POLR1A: variants seen among roughly 807,000 people sequenced by gnomAD.
The protein encoded by POLR1A is DNA-directed RNA polymerase I subunit RPA1.
POLR1A carries 84 observed loss-of-function variants against 205.3 expected under a neutral mutation model. That is an observed-to-expected ratio of 0.41 (90% confidence interval 0.34 to 0.49). The LOEUF is 0.49. Ranked by LOEUF, POLR1A falls within the 20% of genes least tolerant of loss-of-function variation. POLR1A has a pLI of 0.22. For missense variants in POLR1A, 1,645 were observed against 2,204.5 expected (o/e 0.75, Z 5.08); for synonymous variants, 799 against 863.7 (o/e 0.93, Z 1.31).
rs1197992561 is a variant in POLR1A, at chr2:86,024,967, T to C, written c.*2456A>G. On this transcript the variant is annotated 3_prime_UTR_variant, in exon 34 of 34. Transcript: ENST00000263857. ...GCCTGGCCAACATGGTGAAACCCCATCTCTACTAAAAATACAAAAATTAGC... is the reference window on the plus strand; with the variant it reads ...GCCTGGCCAACATGGTGAAACCCCACCTCTACTAAAAATACAAAAATTAGC... 6.6e-6 allele frequency: 1 copy of C among 152,096 alleles called. No homozygotes were observed. The highest frequency in any genetic ancestry group is 2.4e-5 in the African/African-American group (1 of 41,400). 9.4% of individuals were successfully genotyped at this position (152,096 alleles called of 1,614,324 possible).
In POLR1A at chr2:86,078,252, G is replaced by C; in HGVS notation, c.1119C>G (p.Ser373=). The change falls in exon 10 of 34, where the codon TCC becomes TCG. Residue 373 remains serine (S), a synonymous_variant. Transcript: ENST00000263857. ...EKDSLIAIDR[S]FLSTLPGQSL... ...ACTGGCCTGGAAGTGTACTCAAAAA[G>C]GATCGGTCAATAGCAATCAAAGAGT... 1 of 1,598,432 alleles carries C rather than the reference G, an allele frequency of 6.3e-7. No homozygotes were observed. Among genetic ancestry groups the C allele is most frequent in the East Asian group, 2.2e-5 (1 of 44,808 alleles).
chr2:86,027,622 G>GACCCACC, intron 33 of POLR1A, 99 bp from the exon 34 acceptor site: 3 of 1,104,420 alleles, frequency 2.7e-6, no homozygotes, highest in Non-Finnish European at 2.7e-6. Flanking sequence ...CGGGACTCAG[G>GACCCACC]TGGGTCCTGA....
At chr2:86,100,344 C>A (rs1673789255) in intron 1 of POLR1A, among the ~76,000 whole-genome samples, 172 bp from the exon 2 acceptor site, 1 of 152,020 alleles carries the variant, frequency 6.6e-6, no homozygotes, top group Admixed American at 6.6e-5. Context: ...AGAGTTGGTA[C>A]CCAATAGTTA....
intron 27 of POLR1A, 137 bp from the exon 28 acceptor site, chr2:86,033,924 T>C: frequency 1.9e-6 from 2 of 1,058,402 alleles, no homozygotes; most frequent in Non-Finnish European, 2.7e-6. Context: ...TCCTAGCCAC[T>C]CACTTGTCCC....
chr2:86,073,835 T>C (rs1481550453), intron 12 of POLR1A, among the ~76,000 whole-genome samples: 9 of 152,214 alleles, frequency 5.9e-5, no homozygotes, highest in Non-Finnish European at 1.0e-4. Flanking sequence ...TTTCCTATTG[T>C]GAGTCTGTTT....
intron 3 of POLR1A, among the ~76,000 whole-genome samples, chr2:86,096,886 C>T (rs756330600): frequency 2.6e-5 from 4 of 152,054 alleles, no homozygotes; most frequent in Non-Finnish European, 4.4e-5. Context: ...TCAAACTAAG[C>T]TTCTGCACAA....
At position 86,027,258 on chromosome 2, in the gene POLR1A, G is replaced by GC; in HGVS notation, c.*164dup. ...TCACTTTCCAGGTGAAGCTGGCCCA[G>GC]CTCAGAGGCCCACTGCTTTCAGGCC... On this transcript the variant is annotated 3_prime_UTR_variant, in exon 34 of 34. Transcript: ENST00000263857. 1 of 634,944 alleles carries GC rather than the reference G, an allele frequency of 1.6e-6. No individual in the cohort carries two copies. The highest frequency in any genetic ancestry group is 1.8e-5 in the South Asian group (1 of 55,196). The allele number at this position is 634,944 out of a possible 1,614,324, so 39.3% of individuals were successfully genotyped here. A position where few individuals can be genotyped will look rare whatever the true frequency, so the allele number is the denominator to read the frequency against.
At chr2:86,098,037 C>T (rs1257350914) in intron 3 of POLR1A, among the ~76,000 whole-genome samples, 1 of 151,972 alleles carries the variant, frequency 6.6e-6, no homozygotes, top group African/African-American at 2.4e-5. Context: ...CAAAAAAAGA[C>T]CAAAAAAACC....
intron 13 of POLR1A, 113 bp downstream of exon 13, chr2:86,069,905 C>T: frequency 2.5e-6 from 3 of 1,176,674 alleles, no homozygotes; most frequent in Non-Finnish European, 3.5e-6. Flanking sequence ...CCCTCCATTC[C>T]AGGCGCCCCT....
chr2:86,043,330 G>C, intron 22 of POLR1A, 135 bp from the exon 23 acceptor site: 1 of 687,396 alleles, frequency 1.5e-6, no homozygotes. Context: ...TGATGGGGCC[G>C]AGCACCACTC....
intron 7 of POLR1A, among the ~76,000 whole-genome samples, chr2:86,082,321 C>T (rs1360995422): frequency 6.6e-6 from 1 of 152,082 alleles, no homozygotes; most frequent in African/African-American, 2.4e-5. Context: ...AAAACACAGA[C>T]AGCACACACA....
At chr2:86,035,565 G>A (rs981162844) in intron 27 of POLR1A, among the ~76,000 whole-genome samples, 1 of 152,240 alleles carries the variant, frequency 6.6e-6, no homozygotes, top group South Asian at 2.1e-4. Flanking sequence ...TCAGCTGGGC[G>A]CCCCAGCCTG....
In POLR1A at chr2:86,024,323, C is replaced by T. The variant is rs1367481899; in HGVS notation, c.*3100G>A. On this transcript the variant is annotated 3_prime_UTR_variant, in exon 34 of 34. Coordinates refer to ENST00000263857, the MANE Select transcript of POLR1A (RefSeq NM_015425.6). ...CCTAGAGAAGTCAAATTCGTAGAGA[C>T]AGAACGTAGAACAGTGGTTGCCAGG... is the stretch of plus-strand genomic sequence containing the variant. 1 of 171,470 alleles carries T rather than the reference C, an allele frequency of 5.8e-6. No homozygotes were observed. Among genetic ancestry groups the T allele is most frequent in the African/African-American group, 2.4e-5 (1 of 42,212 alleles). The allele number at this position is 171,470 out of a possible 1,614,324, so 10.6% of individuals were successfully genotyped here. A position where few individuals can be genotyped will look rare whatever the true frequency, so the allele number is the denominator to read the frequency against.
Position 86,080,933 on chromosome 2 carries a change from G to A in POLR1A, c.969C>T (p.Gly323=). The change falls in exon 9 of 34, where the codon GGC becomes GGT. Residue 323 remains glycine (G), a synonymous_variant. Coordinates refer to ENST00000263857, the MANE Select transcript of POLR1A (RefSeq NM_015425.6). ...TGACAGCCTGCAAGTTCACCGTCTGGCCATTAGTAAACATCTGGTCTCCTA... is the reference window on the plus strand; with the variant it reads ...TGACAGCCTGCAAGTTCACCGTCTGACCATTAGTAAACATCTGGTCTCCTA... ...SRLGDQMFTN[G]QTVNLQAVMK... is the part of the protein sequence containing the mutation. 1 of 1,614,026 alleles carries A rather than the reference G, an allele frequency of 6.2e-7. No homozygotes were observed. Among genetic ancestry groups the A allele is most frequent in the South Asian group, 1.1e-5 (1 of 91,074 alleles).
rs201969458 is a variant in POLR1A at position 86,038,652 on chromosome 2, C to T, written c.4034+48G>A. The T allele has an allele frequency of 6.5e-4, 1,036 of 1,591,986 alleles. 7 individuals carry two copies. The highest frequency in any genetic ancestry group is 2.7e-3 in the Middle Eastern group (12 of 4,462). On this transcript the variant is annotated intron_variant, in intron 27 of 33. Transcript: ENST00000263857. The stretch of plus-strand genomic sequence containing the variant: ...TAGGTGCTTCCTGCCCCAGTTCAAG[C>T]GCATTCTCTGGGTCAAGGTCAATGA...
At chr2:86,062,928 A>T (rs180688693) in intron 14 of POLR1A, among the ~76,000 whole-genome samples, 1 of 152,354 alleles carries the variant, frequency 6.6e-6, no homozygotes, top group East Asian at 1.9e-4. Context: ...AAATTCAGTA[A>T]CTTAGATGAA....
chr2:86,068,932 C>T (rs918858), intron 13 of POLR1A, among the ~76,000 whole-genome samples: 20,241 of 152,308 alleles, frequency 0.13, 4,481 homozygotes, highest in African/African-American at 0.46. Context: ...TGAGCAGCCC[C>T]TGGCACTCCC....
At chr2:86,038,662 G>A (rs538571729) in intron 27 of POLR1A, 38 bp downstream of exon 27, 2 of 1,604,348 alleles carry the variant, frequency 1.2e-6, no homozygotes, top group Non-Finnish European at 1.7e-6. Context: ...CGCATTCTCT[G>A]GGTCAAGGTC....
In POLR1A at chr2:86,030,293, C is replaced by T. The variant is rs373061040; in HGVS notation, c.4682G>A (p.Arg1561Gln). Residue 1561 changes from arginine to glutamine, a missense_variant, in exon 31 of 34, where the codon CGG (arginine) becomes CAG (glutamine). Arg to Gln is a conservative substitution (Grantham distance 43). Around this residue, in one of 16 missense-constraint regions of POLR1A, gnomAD observed 394 missense variants for 468.5 expected, o/e 0.84. Transcript: ENST00000263857. Reference sequence around the variant, plus strand: ...GTTGGTTGTTTCATTCAGGAGGCACCGAGTGATGCCCTTGGTCGCATAGAT... The same window carrying T: ...GTTGGTTGTTTCATTCAGGAGGCACTGAGTGATGCCCTTGGTCGCATAGAT... ...AVIYATKGIT[R>Q]CLLNETTNNK... The T allele has an allele frequency of 1.7e-5, 28 of 1,613,930 alleles. No individual in the cohort carries two copies. Among genetic ancestry groups the T allele is most frequent in the Admixed American group, 1.2e-4 (7 of 60,004 alleles).
Sources: gnomAD v4.1 joint callset for allele counts (sites outside exome capture counted in the v4.1 genomes callset) on GRCh38, gnomAD v4.1.1 for gene constraint, gnomAD v4.1.1 regional missense constraint, MANE v1.5 for transcripts, NCBI Gene and HGNC (gene_info 2026-07-23, HGNC 2026-07-21) for gene names.